Variants in PRKAG1 observed in about 807,000 individuals in gnomAD.
PRKAG1 encodes 5'-AMP-activated protein kinase subunit gamma-1.
PRKAG1 carries 27 observed loss-of-function variants against 48.2 expected under a neutral mutation model. The ratio of observed to expected loss-of-function variants is 0.56; its 90% CI spans 0.41 to 0.77. PRKAG1 has a LOEUF of 0.77. Ranked by LOEUF, PRKAG1 falls within the 30% of genes least tolerant of loss-of-function variation. The probability of loss-of-function intolerance (pLI) is 0.00; values close to 1 mark genes in which losing one functional copy is unlikely to be tolerated. For missense variants in PRKAG1, 287 were observed against 398.3 expected (o/e 0.72, Z 2.38); for synonymous variants, 130 against 147.7 (o/e 0.88, Z 0.87).
rs1211397125 is a variant in PRKAG1, at chr12:49,002,968, G to A, written c.927C>T (p.Val309=). 2 of 1,614,028 alleles carry A rather than the reference G, an allele frequency of 1.2e-6. No homozygotes were observed. The highest frequency in any genetic ancestry group is 2.7e-5 in the African/African-American group (2 of 74,904). ...RLVVVDENDV[V]KGIVSLSDIL... is the part of the protein sequence containing the mutation. Reference sequence around the variant, plus strand: ...TGTCAGACAGTGATACAATTCCCTTGACCACATCATTTTCATCCACCACTA... The same window carrying A: ...TGTCAGACAGTGATACAATTCCCTTAACCACATCATTTTCATCCACCACTA... The change falls in exon 12 of 12, where the codon GTC becomes GTT. Residue 309 remains valine, a synonymous_variant. Transcript: ENST00000548065.
intron 8 of PRKAG1, 131 bp downstream of exon 8, chr12:49,004,376 G>T: frequency 8.2e-7 from 1 of 1,216,204 alleles, no homozygotes; most frequent in Non-Finnish European, 1.2e-6. Context: ...GGCTGAGGCG[G>T]GAGGATCACT....
At position 49,005,895 on chromosome 12, in the gene PRKAG1, A is replaced by G; in HGVS notation, c.59-43T>C. On this transcript the variant is annotated intron_variant, in intron 2 of 11. Coordinates refer to ENST00000548065, the MANE Select transcript of PRKAG1 (RefSeq NM_002733.5). This position sits in a 1 kb window ranked among gnomAD's most constrained non-coding sequence, Gnocchi z 4.1. ...GTTAGTAGCTTCCTTCCACATAAAA[A>G]CTCCCAATCAAAAGAGACAGAAAAC... 7.1e-7 allele frequency: 1 copy of G among 1,407,216 alleles called. No individual in the cohort carries two copies. The highest frequency in any genetic ancestry group is 9.7e-7 in the Non-Finnish European group (1 of 1,032,208). 87.2% of individuals were successfully genotyped at this position (1,407,216 alleles called of 1,614,324 possible).
intron 2 of PRKAG1, among the ~76,000 whole-genome samples, chr12:49,009,120 CTTT>C (rs1173409489): frequency 6.0e-5 from 8 of 133,062 alleles, no homozygotes; most frequent in Admixed American, 7.6e-5. Context: ...CTTTCCTCTC[CTTT>C]TTTTTTTTTT....
At chr12:49,016,243 T>C (rs1254707004) in intron 1 of PRKAG1, among the ~76,000 whole-genome samples, 1 of 152,192 alleles carries the variant, frequency 6.6e-6, no homozygotes, top group East Asian at 1.9e-4. Flanking sequence ...CTGGCCTCCT[T>C]TCTACTTTTA....
In PRKAG1 at chr12:49,005,993, T is replaced by C. The variant is rs1592274078; in HGVS notation, c.59-141A>G. The C allele has an allele frequency of 6.4e-6, 4 of 629,568 alleles. No individual in the cohort carries two copies. The highest frequency in any genetic ancestry group is 6.9e-5 in the Admixed American group (2 of 28,956). 39.0% of individuals were successfully genotyped at this position (629,568 alleles called of 1,614,324 possible). ...AAGACCCCTTATTTTATCTGTCTTG[T>C]TCCTATTGTTTCCACAAAACCTGGA... On this transcript the variant is annotated intron_variant, in intron 2 of 11. Coordinates refer to ENST00000548065, the MANE Select transcript of PRKAG1 (RefSeq NM_002733.5). The surrounding 1 kb of genome is among the most constrained non-coding windows in gnomAD (Gnocchi z 4.1).
At chr12:49,015,734 A>G (rs1215954956) in intron 1 of PRKAG1, among the ~76,000 whole-genome samples, 1 of 151,976 alleles carries the variant, frequency 6.6e-6, no homozygotes, top group African/African-American at 2.4e-5. Context: ...CACCACGCCC[A>G]GCTAAGTTTT....
intron 1 of PRKAG1, among the ~76,000 whole-genome samples, chr12:49,016,446 C>T (rs956068178): frequency 6.6e-6 from 1 of 152,136 alleles, no homozygotes; most frequent in Admixed American, 6.5e-5. Context: ...AACATTTGTC[C>T]CTCCAATCCT....
chr12:49,004,042 C>A lies in PRKAG1; in HGVS notation c.538-120G>T. On this transcript the variant is annotated intron_variant, in intron 8 of 11. Coordinates refer to ENST00000548065, the MANE Select transcript of PRKAG1 (RefSeq NM_002733.5). ...CGCCGGCTTATGCCTATAATCCCAG[C>A]ACTTTGGGAGGCTGAGGGGGACATA... is the stretch of plus-strand genomic sequence containing the variant. 1.4e-5 allele frequency: 19 copies of A among 1,369,854 alleles called. 1 individual carries two copies. Among genetic ancestry groups the A allele is most frequent in the Non-Finnish European group, 1.8e-5 (18 of 1,026,830 alleles). The allele number at this position is 1,369,854 out of a possible 1,614,324, so 84.9% of individuals were successfully genotyped here. A position where few individuals can be genotyped will look rare whatever the true frequency, so the allele number is the denominator to read the frequency against.
At chr12:49,017,354 C>A in intron 1 of PRKAG1, 1 of 343,752 alleles carries the variant, frequency 2.9e-6, no homozygotes, top group Non-Finnish European at 5.6e-6. Context: ...GCACACACCA[C>A]CACCACCACG....
chr12:49,006,346 T>G (rs539836859), intron 2 of PRKAG1, among the ~76,000 whole-genome samples: 61 of 152,058 alleles, frequency 4.0e-4, no homozygotes, highest in African/African-American at 1.4e-3. Flanking sequence ...GAGGCCAGCC[T>G]GGGCAACACA....
Position 49,005,784 on chromosome 12 carries a change from G to C in PRKAG1, c.127C>G (p.Pro43Ala), listed in dbSNP as rs756328911. The change falls in exon 3 of 12, where the codon CCC becomes GCC. Residue 43 changes from proline (P) to alanine (A), a missense_variant. By Grantham distance (27) the Pro-to-Ala change is conservative. Coordinates refer to ENST00000548065, the MANE Select transcript of PRKAG1 (RefSeq NM_002733.5). This position sits in a 1 kb window ranked among gnomAD's most constrained non-coding sequence, Gnocchi z 4.1. ...AATACAACCAATTTGGAGCTTGTGG[G>C]AATCAGGTCATAGCAGCGATGAGAC... ...MKSHRCYDLIPTSSKLVVFDT... is the reference protein window; with the variant it reads ...MKSHRCYDLIATSSKLVVFDT... 11 of 1,614,068 alleles carry C rather than the reference G, an allele frequency of 6.8e-6. No homozygotes were observed. The highest frequency in any genetic ancestry group is 9.3e-6 in the Non-Finnish European group (11 of 1,179,996).
At chr12:49,012,882 C>CT (rs1400811308) in intron 2 of PRKAG1, 180 bp downstream of exon 2, 1 of 612,746 alleles carries the variant, frequency 1.6e-6, no homozygotes, top group African/African-American at 1.9e-5. Flanking sequence ...CATCCCCACT[C>CT]TGCCCAAGAT....
chr12:49,003,913 A>G lies in PRKAG1; in HGVS notation c.547T>C (p.Phe183Leu). The change falls in exon 9 of 12, where the codon TTC becomes CTC. Residue 183 changes from phenylalanine to leucine, a missense_variant. By Grantham distance (22) the Phe-to-Leu change is conservative. Coordinates refer to ENST00000548065, the MANE Select transcript of PRKAG1 (RefSeq NM_002733.5). ...TTGGACATGAACTCTGGCTTGGGGA[A>G]CTCAGTGATCTGAGGAAAGAACCAT... is the stretch of plus-strand genomic sequence containing the variant. ...LKFLKLFITE[F>L]PKPEFMSKSL... 1 of 1,600,122 alleles carries G rather than the reference A, an allele frequency of 6.2e-7. No individual in the cohort carries two copies. The highest frequency in any genetic ancestry group is 8.5e-7 in the Non-Finnish European group (1 of 1,172,766).
chr12:49,016,479 T>C (rs528302027), intron 1 of PRKAG1: 1 of 152,212 alleles, frequency 6.6e-6, no homozygotes, highest in East Asian at 1.9e-4. Flanking sequence ...GTGGTTCCCA[T>C]CTTGTTTTTT....
chr12:49,003,609 G>A lies in PRKAG1; in HGVS notation c.704-14C>T. On this transcript the variant is annotated splice_polypyrimidine_tract_variant and intron_variant, in intron 9 of 11. Coordinates refer to ENST00000548065, the MANE Select transcript of PRKAG1 (RefSeq NM_002733.5). ...CCACCACACGCCCTAGGGGGACAGA[G>A]GCAGCTCAGTAAGGAGGATCTGGGA... 1 of 1,612,642 alleles carries A rather than the reference G, an allele frequency of 6.2e-7. No homozygotes were observed. Among genetic ancestry groups the A allele is most frequent in the Non-Finnish European group, 8.5e-7 (1 of 1,179,374 alleles).
chr12:49,006,628 A>C (rs1321095154), intron 2 of PRKAG1, among the ~76,000 whole-genome samples: 2 of 152,222 alleles, frequency 1.3e-5, no homozygotes, highest in Non-Finnish European at 2.9e-5. Context: ...GTAATCTCCC[A>C]AAATAATAGC....
intron 7 of PRKAG1, 40 bp from the exon 8 acceptor site, chr12:49,004,673 G>A (rs1941445321): frequency 1.2e-6 from 2 of 1,613,414 alleles, no homozygotes; most frequent in Non-Finnish European, 8.5e-7. Context: ...ACAGTGCTGG[G>A]GCTGGGGGTG....
In PRKAG1 at chr12:49,002,869, C is replaced by T; in HGVS notation, c.*30G>A. The T allele has an allele frequency of 6.3e-7, 1 of 1,584,558 alleles. No homozygotes were observed. Among genetic ancestry groups the T allele is most frequent in the Non-Finnish European group, 8.7e-7 (1 of 1,154,350 alleles). On this transcript the variant is annotated 3_prime_UTR_variant, in exon 12 of 12. Transcript: ENST00000548065. ...CAGCAGGCAGTGAGTTGGGCATATC[C>T]CCTGGTGCTGCATGACCCCTTCCCC...
chr12:49,004,191 T>C (rs1044907512), intron 8 of PRKAG1: 8 of 517,898 alleles, frequency 1.5e-5, no homozygotes, highest in African/African-American at 1.3e-4. Context: ...CTTCTGGGGG[T>C]TGAGGTCGGG....
Sources: gnomAD v4.1 joint callset for allele counts (sites outside exome capture counted in the v4.1 genomes callset) on GRCh38, gnomAD v4.1.1 for gene constraint, Gnocchi (gnomAD v3.1) non-coding constraint, MANE v1.5 for transcripts, NCBI Gene and HGNC (gene_info 2026-07-23, HGNC 2026-07-21) for gene names.